CLEC4F: variants seen among roughly 807,000 people sequenced by gnomAD.
CLEC4F encodes C-type lectin domain family 4 member F, also known as C-type (calcium dependent, carbohydrate-recognition domain) lectin, superfamily member 13.
CLEC4F carries 45 observed loss-of-function variants against 53.4 expected under a neutral mutation model. The ratio of observed to expected loss-of-function variants is 0.84; its 90% CI spans 0.66 to 1.08. The LOEUF (loss-of-function observed/expected upper bound fraction) is 1.08. Among genes scored for constraint, CLEC4F ranks in the 50% least tolerant of loss-of-function variants. The pLI is 0.00. For synonymous variants in CLEC4F, 245 were observed against 257.5 expected, an observed-to-expected ratio of 0.95 and a Z score of 0.46; for missense variants, 753 against 698.2, an observed-to-expected ratio of 1.08 and a Z score of -0.88.
intron 2 of CLEC4F, 62 bp from the exon 3 acceptor site, chr2:70,819,506 G>T: frequency 6.9e-7 from 1 of 1,450,832 alleles, no homozygotes; most frequent in Non-Finnish European, 9.7e-7. Context: ...AGGATACGCT[G>T]TCCCACACAG....
upstream of CLEC4F, among the ~76,000 whole-genome samples, chr2:70,823,641 C>T (rs1381942757): frequency 6.6e-6 from 1 of 152,142 alleles, no homozygotes; most frequent in African/African-American, 2.4e-5. Context: ...CCCACAGGAA[C>T]ACCATCTACC....
chr2:70,812,547 A>G lies in CLEC4F; in HGVS notation c.1439T>C (p.Leu480Ser). 6.2e-7 allele frequency: 1 copy of G among 1,614,114 alleles called. No individual in the cohort carries two copies. Among genetic ancestry groups the G allele is most frequent in the Non-Finnish European group, 8.5e-7 (1 of 1,179,998 alleles). The change falls in exon 5 of 7, where the codon TTA (leucine) becomes TCA (serine). Residue 480 changes from leucine to serine, a missense_variant. Physicochemically the swap from Leu to Ser is moderately radical, Grantham distance 145. Coordinates refer to ENST00000272367, the MANE Select transcript of CLEC4F (RefSeq NM_173535.3). ...CTTCTTGACACTAGAAAAATAATAT[A>G]AGCTTCCACCATTGAACTTCCAGCC... The part of the protein sequence containing the change: ...LQGWKFNGGS[L>S]YYFSSVKKSW...
chr2:70,822,760 TAAAC>T (rs1677258524), upstream of CLEC4F, among the ~76,000 whole-genome samples: 1 of 152,254 alleles, frequency 6.6e-6, no homozygotes, highest in African/African-American at 2.4e-5. Flanking sequence ...TAGCAACTCT[TAAAC>T]AAACTCACAA....
chr2:70,823,290 C>T (rs1338226742), upstream of CLEC4F, among the ~76,000 whole-genome samples: 3 of 152,184 alleles, frequency 2.0e-5, no homozygotes, highest in African/African-American at 4.8e-5. Context: ...CTATCAACAG[C>T]GCTGCCTGAG....
intron 4 of CLEC4F, among the ~76,000 whole-genome samples, chr2:70,815,034 A>G (rs374045725): frequency 6.6e-6 from 1 of 152,150 alleles, no homozygotes; most frequent in South Asian, 2.1e-4. Context: ...ACCCCAGACC[A>G]GGAACCGGGC....
At chr2:70,812,361 C>G in intron 5 of CLEC4F, 86 bp downstream of exon 5, 2 of 1,457,924 alleles carry the variant, frequency 1.4e-6, no homozygotes, top group Non-Finnish European at 1.9e-6. Context: ...CTCCGTCATA[C>G]CCACTGAGAG....
At chr2:70,821,122 G>A (rs891900704), upstream of CLEC4F, among the ~76,000 whole-genome samples, 1 of 152,098 alleles carries the variant, frequency 6.6e-6, no homozygotes, top group African/African-American at 2.4e-5. Flanking sequence ...TGTGGACTTT[G>A]GTACCCATGG....
chr2:70,818,860 A>C (rs1455845954), intron 3 of CLEC4F, among the ~76,000 whole-genome samples: 3 of 151,760 alleles, frequency 2.0e-5, no homozygotes, highest in African/African-American at 7.3e-5. Context: ...AGACTATCAA[A>C]ATTAAAATCT....
In CLEC4F at chr2:70,819,641, C is replaced by A. The variant is rs1403231584; in HGVS notation, c.178+134G>T. On this transcript the variant is annotated intron_variant, in intron 2 of 6. Transcript: ENST00000272367. ...TTATCTGTTCCCAGGGAAGCTGTGG[C>A]TTGGGCCTGGAGCTGGAGGTGGAAT... 49 of 837,002 alleles carry A rather than the reference C, an allele frequency of 5.9e-5. No homozygotes were observed. In the South Asian group the frequency reaches 7.5e-4, roughly 13 times the overall value. 51.8% of individuals were successfully genotyped at this position (837,002 alleles called of 1,614,324 possible). A position where few individuals can be genotyped will look rare whatever the true frequency, so the allele number is the denominator to read the frequency against.
intron 5 of CLEC4F, chr2:70,810,988 A>G: frequency 3.4e-6 from 2 of 582,262 alleles, no homozygotes; most frequent in South Asian, 2.9e-5. Flanking sequence ...TATTCTGTAA[A>G]TTCTACGGCA....
intron 4 of CLEC4F, among the ~76,000 whole-genome samples, chr2:70,813,587 CTCTTTCTTTCTCTT>C (rs1383207585): frequency 3.3e-5 from 2 of 60,304 alleles, no homozygotes; most frequent in African/African-American, 1.5e-4. Flanking sequence ...TTCTTTCTCT[CTCTTTCTTTCTCTT>C]TCTTTCTTTC....
intron 1 of CLEC4F, 87 bp downstream of exon 1, chr2:70,820,376 C>G: frequency 8.2e-7 from 1 of 1,218,956 alleles, no homozygotes; most frequent in Non-Finnish European, 1.2e-6. Flanking sequence ...AGCAATAAGA[C>G]AGCAATAAGC....
chr2:70,811,097 G>A, intron 5 of CLEC4F: 2 of 677,906 alleles, frequency 3.0e-6, no homozygotes, highest in South Asian at 1.4e-5. Context: ...ACAAGTGTGT[G>A]TCTAGTATAG....
chr2:70,822,401 G>A (rs1408015518), upstream of CLEC4F, among the ~76,000 whole-genome samples: 1 of 151,908 alleles, frequency 6.6e-6, no homozygotes, highest in East Asian at 1.9e-4. Context: ...CCAATGTGTG[G>A]CTTTCAATGA....
rs116477018 is a variant in CLEC4F at position 70,817,008 on chromosome 2, T to G, written c.373A>C (p.Lys125Gln). The change falls in exon 4 of 7, where the codon AAG (lysine) becomes CAG (glutamine). Residue 125 changes from lysine (K) to glutamine (Q), a missense_variant. By Grantham distance (53) the Lys-to-Gln change is moderately conservative. Coordinates refer to ENST00000272367, the MANE Select transcript of CLEC4F (RefSeq NM_173535.3). ...SAWVVEIQMLKCRVDNVNSQL... is the reference protein window; with the variant it reads ...SAWVVEIQMLQCRVDNVNSQL... ...GAATTGACATTGTCCACTCTGCACT[T>G]CAACATCTGGATTTCTACTACCCAG... 8.1e-6 allele frequency: 13 copies of G among 1,614,210 alleles called. No individual in the cohort carries two copies. The highest frequency in any genetic ancestry group is 1.1e-5 in the Non-Finnish European group (13 of 1,180,046).
At position 70,816,680 on chromosome 2, in the gene CLEC4F, T is replaced by C; in HGVS notation, c.701A>G (p.Glu234Gly). The change falls in exon 4 of 7, where the codon GAA becomes GGA. Residue 234 changes from glutamate to glycine, a missense_variant. Coordinates refer to ENST00000272367, the MANE Select transcript of CLEC4F (RefSeq NM_173535.3). ...SEIQMLNASL[E>G]TANTQAQLAN... is the part of the protein sequence containing the mutation. ...TAACTGAGCCTGGGTATTTGCCGTT[T>C]CCAAACTGGCATTCAACATCTGAAT... The C allele has an allele frequency of 6.2e-7, 1 of 1,614,216 alleles. No individual in the cohort carries two copies. The highest frequency in any genetic ancestry group is 8.5e-7 in the Non-Finnish European group (1 of 1,180,042).
intron 4 of CLEC4F, among the ~76,000 whole-genome samples, chr2:70,813,618 T>TCTTTCTTTCTTTCTTTCTTTCTTC (rs1676724983): frequency 6.1e-5 from 9 of 147,790 alleles, no homozygotes; most frequent in African/African-American, 2.3e-4. Context: ...TTTCTTTCTT[T>TCTTTCTTTCTTTCTTTCTTTCTTC]CTTTCTTTCT....
At chr2:70,809,417 C>T (rs1299958894) in intron 6 of CLEC4F, 35 bp from the exon 7 acceptor site, 7 of 1,564,100 alleles carry the variant, frequency 4.5e-6, no homozygotes, top group Non-Finnish European at 6.1e-6. Context: ...CAGAAAGACC[C>T]ACTCACTGGC....
At chr2:70,810,850 G>T (rs1474241344) in intron 5 of CLEC4F, 1 of 551,710 alleles carries the variant, frequency 1.8e-6, no homozygotes, top group Admixed American at 2.1e-5. Flanking sequence ...TTCTAAAATT[G>T]GTACAATCAG....
Sources: allele counts gnomAD v4.1 joint callset (sites outside exome capture counted in the v4.1 genomes callset), GRCh38; gene constraint gnomAD v4.1.1; transcripts MANE v1.5; gene names NCBI Gene and HGNC (gene_info 2026-07-23, HGNC 2026-07-21).